NAV3: variants seen among roughly 807,000 people sequenced by gnomAD.
NAV3 encodes the protein neuron navigator 3.
NAV3 carries 87 observed loss-of-function variants against 244.7 expected under a neutral mutation model. The observed-to-expected ratio is 0.36, with a 90% CI of 0.30 to 0.42. NAV3 has a LOEUF of 0.42. Among genes scored for constraint, NAV3 ranks in the 20% least tolerant of loss-of-function variants. The pLI is 1.00. For missense variants in NAV3, 2,663 were observed against 2,893.3 expected, an observed-to-expected ratio of 0.92 and a Z score of 1.83; for synonymous variants, 1,126 against 1,042.2, an observed-to-expected ratio of 1.08 and a Z score of -1.55.
intron 2 of NAV3, among the ~76,000 whole-genome samples, chr12:77,602,527 A>G (rs1003495979): frequency 2.0e-5 from 3 of 151,978 alleles, no homozygotes; most frequent in Admixed American, 6.6e-5. Flanking sequence ...CCAATGAACT[A>G]AAGAGGGGAT....
At chr12:78,136,889 A>G (rs568394956) in intron 18 of NAV3, among the ~76,000 whole-genome samples, 1 of 152,288 alleles carries the variant, frequency 6.6e-6, no homozygotes, top group Non-Finnish European at 1.5e-5. Flanking sequence ...GTAGCAGAAA[A>G]CACCATGTTA....
intron 24 of NAV3, among the ~76,000 whole-genome samples, chr12:78,169,515 A>G (rs930326472): frequency 6.6e-6 from 1 of 151,500 alleles, no homozygotes; most frequent in Admixed American, 6.6e-5. Flanking sequence ...TTTCCTTTAC[A>G]TTGGTTCTAT....
At chr12:78,148,110 G>A (rs573112751) in intron 21 of NAV3, among the ~76,000 whole-genome samples, 1 of 152,088 alleles carries the variant, frequency 6.6e-6, no homozygotes, top group East Asian at 1.9e-4. Flanking sequence ...AGATACCTTA[G>A]AATATACATT....
chr12:77,871,690 A>G (rs1198775021), intron 1 of NAV3, among the ~76,000 whole-genome samples: 3 of 152,100 alleles, frequency 2.0e-5, no homozygotes, highest in Non-Finnish European at 4.4e-5. Flanking sequence ...TCTATCATTG[A>G]TGGGCATTTG....
intron 24 of NAV3, among the ~76,000 whole-genome samples, chr12:78,173,920 C>G (rs1424996997): frequency 6.6e-6 from 1 of 151,538 alleles, no homozygotes; most frequent in Non-Finnish European, 1.5e-5. Context: ...TCCATACATA[C>G]TCATTTATTA....
At position 77,621,715 on chromosome 12, in the gene NAV3, C is replaced by T. The variant is rs542111905; in HGVS notation, c.72+49449C>T. Among the ~76,000 whole-genome samples the T allele has an allele frequency of 1.6e-4, 25 of 151,870 alleles. No homozygotes were observed. The East Asian group carries it at 2.7e-3, about 17-fold the overall frequency. On this transcript the variant is annotated intron_variant, in intron 2 of 8. Transcript: ENST00000550042. The stretch of plus-strand genomic sequence containing the variant: ...GAATGGTCTTGATCTCTTGACCTTG[C>T]GATCCGCCCACCTCGGCCTCCCAAA...
intron 1 of NAV3, among the ~76,000 whole-genome samples, chr12:77,855,530 C>T (rs1258337127): frequency 3.9e-5 from 6 of 152,174 alleles, no homozygotes; most frequent in Non-Finnish European, 8.8e-5. Flanking sequence ...TACTTTGCAG[C>T]TCCTCCCATC....
chr12:77,992,588 A>T (rs1299161741), intron 5 of NAV3, among the ~76,000 whole-genome samples: 1 of 152,214 alleles, frequency 6.6e-6, no homozygotes, highest in Non-Finnish European at 1.5e-5. Context: ...CAAGTCTTTC[A>T]TTCAGTTGGT....
chr12:78,150,347 C>T (rs974554777), intron 22 of NAV3, among the ~76,000 whole-genome samples: 8 of 151,874 alleles, frequency 5.3e-5, no homozygotes, highest in Middle Eastern at 3.4e-3. Context: ...TTTTAATGTC[C>T]CTTGGTTGAG....
intron 1 of NAV3, among the ~76,000 whole-genome samples, chr12:77,841,048 G>C (rs1160543119): frequency 6.6e-6 from 1 of 152,160 alleles, no homozygotes; most frequent in Non-Finnish European, 1.5e-5. Flanking sequence ...TGTAAGAACT[G>C]TTTTACTTTG....
intron 2 of NAV3, among the ~76,000 whole-genome samples, chr12:77,778,199 T>G (rs7953713): frequency 0.75 from 94,901 of 127,104 alleles, 35,168 homozygotes; most frequent in East Asian, 0.92. Flanking sequence ...TCCTCTCCCC[T>G]CCTCTCCCCT....
chr12:78,105,297 T>C (rs1405568492), intron 12 of NAV3, among the ~76,000 whole-genome samples: 1 of 152,148 alleles, frequency 6.6e-6, no homozygotes, highest in East Asian at 1.9e-4. Flanking sequence ...CATTATTTAC[T>C]GTATGTGAAA....
chr12:78,167,196 T>C (rs1285487473), intron 23 of NAV3, among the ~76,000 whole-genome samples: 2 of 151,848 alleles, frequency 1.3e-5, no homozygotes, highest in Non-Finnish European at 2.9e-5. Flanking sequence ...TGAGTCATTA[T>C]GATGAATTGG....
chr12:78,137,488 G>T, intron 19 of NAV3, 123 bp downstream of exon 19: 2 of 985,822 alleles, frequency 2.0e-6, no homozygotes, highest in East Asian at 2.8e-5. Context: ...TTATCATTTG[G>T]GAAACTAGAA....
At chr12:77,881,679 T>G (rs964908094) in intron 1 of NAV3, among the ~76,000 whole-genome samples, 4 of 152,082 alleles carry the variant, frequency 2.6e-5, no homozygotes, top group African/African-American at 9.7e-5. Flanking sequence ...TAGAAAACCC[T>G]AAGACTCTTC....
intron 12 of NAV3, among the ~76,000 whole-genome samples, chr12:78,093,857 G>A (rs1053641919): frequency 6.6e-6 from 1 of 151,638 alleles, no homozygotes; most frequent in African/African-American, 2.4e-5. Flanking sequence ...TTAGAGATAG[G>A]GCCTCACTTT....
chr12:78,120,059 T>TATAC (rs1955605431), intron 15 of NAV3, 114 bp downstream of exon 15: 15 of 403,956 alleles, frequency 3.7e-5, no homozygotes, highest in African/African-American at 2.5e-4. Context: ...AAGGTATATA[T>TATAC]ATATCTTAGA....
intron 1 of NAV3, among the ~76,000 whole-genome samples, chr12:77,854,778 T>A (rs1201508413): frequency 6.6e-6 from 1 of 152,170 alleles, no homozygotes; most frequent in East Asian, 1.9e-4. Context: ...TGAGATCATA[T>A]ACCGTCTAAA....
intron 2 of NAV3, among the ~76,000 whole-genome samples, chr12:77,817,789 G>C (rs915892262): frequency 1.3e-5 from 2 of 152,064 alleles, no homozygotes; most frequent in African/African-American, 4.8e-5. Flanking sequence ...AGCTGTTGGG[G>C]AAAAATCCCC....
Sources: gnomAD v4.1 joint callset for allele counts (sites outside exome capture counted in the v4.1 genomes callset) on GRCh38, gnomAD v4.1.1 for gene constraint, MANE v1.5 for transcripts, NCBI Gene and HGNC (gene_info 2026-07-23, HGNC 2026-07-21) for gene names.